AQR: variants seen among roughly 807,000 people sequenced by gnomAD.
The protein encoded by AQR is RNA helicase aquarius.
A neutral mutation model predicts 180.5 loss-of-function variants in AQR; 61 were observed. The observed-to-expected ratio is 0.34, with a 90% CI of 0.28 to 0.42. The LOEUF (loss-of-function observed/expected upper bound fraction) is 0.42, where lower values mean the gene tolerates loss of function less well. Among genes scored for constraint, AQR ranks in the 10% least tolerant of loss-of-function variants. AQR has a pLI of 1.00. For synonymous variants in AQR, 551 were observed against 588.8 expected (o/e 0.94, Z 0.93); for missense variants, 1,281 against 1,798.3 (o/e 0.71, Z 5.20).
intron 17 of AQR, among the ~76,000 whole-genome samples, chr15:34,909,571 T>C (rs1893470151): frequency 6.6e-6 from 1 of 152,212 alleles, no homozygotes; most frequent in African/African-American, 2.4e-5. Flanking sequence ...AATAAACTAT[T>C]ATTTATTTCT....
chr15:34,919,728 C>G (rs1893654848), intron 14 of AQR, among the ~76,000 whole-genome samples: 1 of 152,066 alleles, frequency 6.6e-6, no homozygotes, highest in African/African-American at 2.4e-5. Context: ...GAAACTCTAT[C>G]TTCTACTCAA....
At chr15:34,949,972 TA>T (rs374857238) in intron 4 of AQR, among the ~76,000 whole-genome samples, 73,448 of 131,350 alleles carry the variant, frequency 0.56, 21,834 homozygotes, top group Non-Finnish European at 0.68. Flanking sequence ...TCTCCAAAAC[TA>T]AAAAAAAAAA....
chr15:34,948,975 T>C (rs2140501811), intron 4 of AQR, among the ~76,000 whole-genome samples: 1 of 152,078 alleles, frequency 6.6e-6, no homozygotes, highest in African/African-American at 2.4e-5. Context: ...AACCACCGGA[T>C]ATTCCCTTAC....
intron 12 of AQR, 115 bp from the exon 13 acceptor site, chr15:34,927,253 A>G (rs1893778892): frequency 3.7e-6 from 2 of 540,962 alleles, no homozygotes; most frequent in Non-Finnish European, 5.8e-6. Flanking sequence ...TGTCTCTTAT[A>G]TGCTTCTTTT....
Position 34,964,380 on chromosome 15 carries a change from AC to A in AQR, c.76-91del, listed in dbSNP as rs1566793334. 2.8e-6 allele frequency: 3 copies of A among 1,055,468 alleles called. No homozygotes were observed. In the Admixed American group the frequency reaches 5.9e-5, roughly 21 times the overall value. The allele number at this position is 1,055,468 out of a possible 1,614,324, so 65.4% of individuals were successfully genotyped here. A position where few individuals can be genotyped will look rare whatever the true frequency, so the allele number is the denominator to read the frequency against. On this transcript the variant is annotated intron_variant, in intron 1 of 34. Coordinates refer to ENST00000156471, the MANE Select transcript of AQR (RefSeq NM_014691.3). ...TCATTTAGTGATAAGCGGTTTCTTA[AC>A]AAGGCCCTACTCGGCACTGGGGGAC...
intron 3 of AQR, among the ~76,000 whole-genome samples, 194 bp from the exon 4 acceptor site, chr15:34,953,114 A>G (rs1894257708): frequency 6.6e-6 from 1 of 152,186 alleles, no homozygotes; most frequent in South Asian, 2.1e-4. Context: ...TAATACTCAA[A>G]TGGAAACACT....
rs1893421578 is a variant in AQR at position 34,906,587 on chromosome 15, T to C, written c.1789A>G (p.Ile597Val). 1.2e-6 allele frequency: 2 copies of C among 1,614,082 alleles called. No individual in the cohort carries two copies. The highest frequency in any genetic ancestry group is 2.7e-5 in the African/African-American group (2 of 75,034). Residue 597 changes from isoleucine to valine, a missense_variant, in exon 18 of 35, where the codon ATT becomes GTT. By Grantham distance (29) the Ile-to-Val change is conservative. Transcript: ENST00000156471. The stretch of plus-strand genomic sequence containing the variant: ...CCTTTATCATCCAGCATGCCCTGAA[T>C]TTCACAGCCTCTGACATAAACCAGG... ...VGLVYVRGCE[I>V]QGMLDDKGRV... is the part of the protein sequence containing the mutation.
At chr15:34,931,789 GGGT>G (rs1219472076) in intron 11 of AQR, among the ~76,000 whole-genome samples, 1 of 152,118 alleles carries the variant, frequency 6.6e-6, no homozygotes, top group Non-Finnish European at 1.5e-5. Context: ...ACTCCAGCCC[GGGT>G]GACAGAGCGA....
chr15:34,951,293 A>C (rs887642328), intron 4 of AQR, among the ~76,000 whole-genome samples: 1 of 152,218 alleles, frequency 6.6e-6, no homozygotes, highest in Non-Finnish European at 1.5e-5. Flanking sequence ...TTATGTTTGG[A>C]AGTTGGCCCA....
rs1893882158 is a variant in AQR at position 34,932,569 on chromosome 15, A to G, written c.784-135T>C. 2.0e-5 allele frequency: 12 copies of G among 597,882 alleles called. No individual in the cohort carries two copies. The South Asian group carries it at 2.8e-4, about 14-fold the overall frequency. The allele number at this position is 597,882 out of a possible 1,614,324, so 37.0% of individuals were successfully genotyped here. A position where few individuals can be genotyped will look rare whatever the true frequency, so the allele number is the denominator to read the frequency against. ...CAACCTTCCAATAGACACACTGTAT[A>G]CAATGCAAGAGGTCCCGTTCATGCT... On this transcript the variant is annotated intron_variant, in intron 10 of 34. Transcript: ENST00000156471.
intron 32 of AQR, 112 bp downstream of exon 32, chr15:34,867,412 T>C (rs1177940603): frequency 2.3e-6 from 2 of 854,632 alleles, no homozygotes; most frequent in Admixed American, 2.5e-5. Context: ...AAAAGTTGCC[T>C]AGTAATTATA....
At chr15:34,934,337 A>C (rs1279119078) in intron 10 of AQR, among the ~76,000 whole-genome samples, 1 of 148,342 alleles carries the variant, frequency 6.7e-6, no homozygotes, top group Non-Finnish European at 1.5e-5. Context: ...TATATAATAC[A>C]TATGTATATA....
At chr15:34,862,495 T>C (rs1305406935) in intron 33 of AQR, among the ~76,000 whole-genome samples, 1 of 152,184 alleles carries the variant, frequency 6.6e-6, no homozygotes, top group African/African-American at 2.4e-5. Flanking sequence ...AGATAATGTA[T>C]GTAAAGAACT....
Position 34,944,281 on chromosome 15 carries a change from A to G in AQR, c.471+7T>C. 1.9e-6 allele frequency: 3 copies of G among 1,574,314 alleles called. No individual in the cohort carries two copies. Among genetic ancestry groups the G allele is most frequent in the South Asian group, 1.2e-5 (1 of 83,532 alleles). ...GAAAATTACCCCAAAATATAAAGTAAAAGTACCAAACTATTGAAGCAATGA... is the reference window on the plus strand; with the variant it reads ...GAAAATTACCCCAAAATATAAAGTAGAAGTACCAAACTATTGAAGCAATGA... On this transcript the variant is annotated splice_region_variant and intron_variant, in intron 6 of 34. Transcript: ENST00000156471.
intron 30 of AQR, among the ~76,000 whole-genome samples, chr15:34,872,931 T>C (rs1892841309): frequency 6.6e-6 from 1 of 152,152 alleles, no homozygotes; most frequent in African/African-American, 2.4e-5. Flanking sequence ...CCAGGTCATT[T>C]TGTATAGATT....
chr15:34,935,635 C>G (rs1482469811), intron 9 of AQR, among the ~76,000 whole-genome samples: 2 of 152,030 alleles, frequency 1.3e-5, no homozygotes, highest in Non-Finnish European at 2.9e-5. Context: ...TAATCCAAAC[C>G]CTGAAATAAC....
intron 27 of AQR, among the ~76,000 whole-genome samples, chr15:34,879,023 G>A (rs1350600769): frequency 6.7e-6 from 1 of 148,150 alleles, no homozygotes; most frequent in African/African-American, 2.5e-5. Context: ...GCAAGGCTCT[G>A]TCTCAAAAAA....
chr15:34,878,066 CTT>C (rs1234151403), intron 27 of AQR, among the ~76,000 whole-genome samples: 1 of 152,076 alleles, frequency 6.6e-6, no homozygotes, highest in Non-Finnish European at 1.5e-5. Flanking sequence ...TAATATCTCT[CTT>C]GAGTCACCCT....
At position 34,863,056 on chromosome 15, in the gene AQR, C is replaced by G; in HGVS notation, c.3855-15G>C. 6.2e-7 allele frequency: 1 copy of G among 1,600,750 alleles called. No homozygotes were observed. Among genetic ancestry groups the G allele is most frequent in the Non-Finnish European group, 8.5e-7 (1 of 1,174,406 alleles). ...GACGGACATCCCTTTGGGAAATAAA[C>G]AAAATAATTAGCACACTTCAAGATT... On this transcript the variant is annotated splice_polypyrimidine_tract_variant and intron_variant, in intron 32 of 34. Transcript: ENST00000156471.
Sources: allele counts gnomAD v4.1 joint callset (sites outside exome capture counted in the v4.1 genomes callset), GRCh38; gene constraint gnomAD v4.1.1; transcripts MANE v1.5; gene names NCBI Gene and HGNC (gene_info 2026-07-23, HGNC 2026-07-21).